The following BMF variants were observed in gnomAD, a reference collection of about 807,000 sequenced individuals.
BMF encodes Bcl2 modifying factor.
Under a neutral mutation model 22.0 loss-of-function variants are expected in BMF, and 10 were observed. That is an observed-to-expected ratio of 0.45 (90% CI 0.28 to 0.77). The LOEUF is 0.77. Ranked by LOEUF, BMF falls within the 30% of genes least tolerant of loss-of-function variation. The pLI is 0.13. For missense variants in BMF, 206 were observed against 226.8 expected (o/e 0.91, Z 0.59); for synonymous variants, 87 against 88.1 (o/e 0.99, Z 0.07).
chr15:40,094,238 T>A (rs1382899205), intron 4 of BMF, among the ~76,000 whole-genome samples: 1 of 152,168 alleles, frequency 6.6e-6, no homozygotes, highest in Non-Finnish European at 1.5e-5. Context: ...CAACTTGAGA[T>A]CTCTGAAGAT....
In BMF at chr15:40,106,173, C is replaced by G; in HGVS notation, c.-5-82G>C. The stretch of plus-strand genomic sequence containing the variant: ...AGGACTCCCCTTCCCTTCTTCCTAC[C>G]ATACTCCCCCTTCTTATTTGAGCTG... On this transcript the variant is annotated intron_variant, in intron 2 of 4. Coordinates refer to ENST00000354670, the MANE Select transcript of BMF (RefSeq NM_001003940.2). This position sits in a 1 kb window ranked among gnomAD's most constrained non-coding sequence, Gnocchi z 4.1. 1 of 1,440,618 alleles carries G rather than the reference C, an allele frequency of 6.9e-7. No individual in the cohort carries two copies. Among genetic ancestry groups the G allele is most frequent in the Non-Finnish European group, 9.2e-7 (1 of 1,084,184 alleles). 89.2% of individuals were successfully genotyped at this position (1,440,618 alleles called of 1,614,324 possible).
chr15:40,093,258 C>T (rs1028502029), intron 4 of BMF, among the ~76,000 whole-genome samples: 1 of 151,220 alleles, frequency 6.6e-6, no homozygotes, highest in African/African-American at 2.4e-5. Context: ...GGCCTGACAA[C>T]CCAGGTGAAC....
At chr15:40,094,637 T>C (rs1011440995) in intron 4 of BMF, among the ~76,000 whole-genome samples, 1 of 152,178 alleles carries the variant, frequency 6.6e-6, no homozygotes, top group Admixed American at 6.5e-5. Context: ...GGTGCTCTTG[T>C]AAGTATAGAG....
At position 40,105,755 on chromosome 15, in the gene BMF, C is replaced by A. The variant is rs373691382; in HGVS notation, c.292+40G>T. 1.6e-5 allele frequency: 25 copies of A among 1,535,524 alleles called. No individual in the cohort carries two copies. The African/African-American group carries it at 3.3e-4, about 20-fold the overall frequency. ...GGAGGGAAAGTCCCCTCTTTTCCCC[C>A]AGTCTCTATGGGAGGAGTCTTGAGG... is the stretch of plus-strand genomic sequence containing the variant. On this transcript the variant is annotated intron_variant, in intron 3 of 4. Coordinates refer to ENST00000354670, the MANE Select transcript of BMF (RefSeq NM_001003940.2).
chr15:40,092,069 A>G (rs2036245433), intron 4 of BMF, among the ~76,000 whole-genome samples, 181 bp from the exon 5 acceptor site: 1 of 152,170 alleles, frequency 6.6e-6, no homozygotes, highest in Non-Finnish European at 1.5e-5. Flanking sequence ...TGGAGGAGAG[A>G]GTTGAGTTCT....
At chr15:40,093,514 G>A (rs773981441) in intron 4 of BMF, among the ~76,000 whole-genome samples, 3 of 152,244 alleles carry the variant, frequency 2.0e-5, no homozygotes, top group East Asian at 1.9e-4. Context: ...GTAAAACAGC[G>A]TGAAAATGGA....
chr15:40,091,916 A>C, intron 4 of BMF, 28 bp from the exon 5 acceptor site: 1 of 1,504,284 alleles, frequency 6.6e-7, no homozygotes, highest in Non-Finnish European at 9.1e-7. Flanking sequence ...AAAAAGACCA[A>C]CATAACTCCC....
At chr15:40,104,042 G>T in intron 4 of BMF, 138 bp downstream of exon 4, 1 of 1,159,666 alleles carries the variant, frequency 8.6e-7, no homozygotes. Context: ...CTGCCCATGG[G>T]AACCGCCATA....
chr15:40,108,863 G>C lies in BMF; in HGVS notation c.-224C>G, dbSNP rs1205708447. ...GGGAGGAGGCCACTCCGCACGGTGCGGTATTGTTTCCAAAATACGCCTGCT... is the reference window on the plus strand; with the variant it reads ...GGGAGGAGGCCACTCCGCACGGTGCCGTATTGTTTCCAAAATACGCCTGCT... On this transcript the variant is annotated 5_prime_UTR_variant, in exon 1 of 5. Coordinates refer to ENST00000354670, the MANE Select transcript of BMF (RefSeq NM_001003940.2). 1.3e-5 allele frequency: 2 copies of C among 153,180 alleles called. No individual in the cohort carries two copies. Among genetic ancestry groups the C allele is most frequent in the African/African-American group, 2.4e-5 (1 of 41,424 alleles). The allele number at this position is 153,180 out of a possible 1,614,324, so 9.5% of individuals were successfully genotyped here.
rs553406768 is a variant in BMF at position 40,093,500 on chromosome 15, T to C, written c.454-1612A>G. On this transcript the variant is annotated intron_variant, in intron 4 of 4. Coordinates refer to ENST00000354670, the MANE Select transcript of BMF (RefSeq NM_001003940.2). ...CACACCCGGCTTAACAAAATCTGGT[T>C]AGAGTAAAACAGCGTGAAAATGGAC... 1.6e-3 allele frequency among the ~76,000 whole-genome samples: 247 copies of C among 152,276 alleles called. 2 individuals are homozygous for C. The highest frequency in any genetic ancestry group is 4.8e-3 in the African/African-American group (198 of 41,560).
intron 4 of BMF, among the ~76,000 whole-genome samples, chr15:40,103,046 A>G (rs1336263006): frequency 2.0e-5 from 3 of 152,210 alleles, no homozygotes; most frequent in Admixed American, 6.5e-5. Context: ...TCCTGTTCTT[A>G]GGAAAGCCAA....
rs2036164851 is a variant in BMF at position 40,087,950 on chromosome 15, A to C, written c.*3837T>G. ...TTGATGGGGGGAAAGATATACACAC[A>C]TACACACATATGCATGTGAAGAACA... On this transcript the variant is annotated 3_prime_UTR_variant, in exon 5 of 5. Transcript: ENST00000354670. 6.6e-6 allele frequency: 1 copy of C among 152,280 alleles called. No homozygotes were observed. The highest frequency in any genetic ancestry group is 2.4e-5 in the African/African-American group (1 of 41,420). 9.4% of individuals were successfully genotyped at this position (152,280 alleles called of 1,614,324 possible).
chr15:40,095,882 G>C lies in BMF; in HGVS notation c.454-3994C>G, dbSNP rs531414156. Among the ~76,000 whole-genome samples, 14 of 152,318 alleles carry C rather than the reference G, an allele frequency of 9.2e-5. No homozygotes were observed. The South Asian group carries it at 2.9e-3, about 32-fold the overall frequency. The stretch of plus-strand genomic sequence containing the variant: ...TTCTTGCCACGGACAGGGGATGAAG[G>C]CAGTCAGCTGACAAATGTTTCAATC... On this transcript the variant is annotated intron_variant, in intron 4 of 4. Transcript: ENST00000354670.
At chr15:40,097,084 C>T (rs563990859) in intron 4 of BMF, among the ~76,000 whole-genome samples, 8 of 152,314 alleles carry the variant, frequency 5.3e-5, no homozygotes, top group African/African-American at 1.9e-4. Flanking sequence ...ACATTGAGAG[C>T]AGGAAAATTC....
chr15:40,099,704 G>A (rs997896134), intron 4 of BMF, among the ~76,000 whole-genome samples: 2 of 150,878 alleles, frequency 1.3e-5, no homozygotes, highest in Admixed American at 6.6e-5. Context: ...ACTTGAACCC[G>A]GAGGCAGAGG....
At chr15:40,102,517 C>A (rs1376420774) in intron 4 of BMF, among the ~76,000 whole-genome samples, 1 of 152,054 alleles carries the variant, frequency 6.6e-6, no homozygotes, top group Non-Finnish European at 1.5e-5. Flanking sequence ...AGGACTGTAT[C>A]CTAGTCCTGT....
rs1402552731 is a variant in BMF at position 40,093,666 on chromosome 15, G to C, written c.454-1778C>G. Among the ~76,000 whole-genome samples, 3 of 152,176 alleles carry C rather than the reference G, an allele frequency of 2.0e-5. No homozygotes were observed. The East Asian group carries it at 5.8e-4, about 29-fold the overall frequency. Reference sequence around the variant, plus strand: ...GAATCCAGGAGCAGACTCATCCCTGGAGAGGCCAGTCTGCTGGAATTCCAG... The same window carrying C: ...GAATCCAGGAGCAGACTCATCCCTGCAGAGGCCAGTCTGCTGGAATTCCAG... On this transcript the variant is annotated intron_variant, in intron 4 of 4. Transcript: ENST00000354670.
At position 40,088,462 on chromosome 15, in the gene BMF, CAA is replaced by C. The variant is rs1489235471; in HGVS notation, c.*3323_*3324del. Reference sequence around the variant, plus strand: ...AGAAGGCCTGCAGAGCCATGGTGACCAAAGTCTTCCCGCTTCTGCCACGTCCC... The same window carrying C: ...AGAAGGCCTGCAGAGCCATGGTGACCAGTCTTCCCGCTTCTGCCACGTCCC... On this transcript the variant is annotated 3_prime_UTR_variant, in exon 5 of 5. Transcript: ENST00000354670. 2 of 152,368 alleles carry C rather than the reference CAA, an allele frequency of 1.3e-5. No homozygotes were observed. The highest frequency in any genetic ancestry group is 2.9e-5 in the Non-Finnish European group (2 of 68,144). The allele number at this position is 152,368 out of a possible 1,614,324, so 9.4% of individuals were successfully genotyped here.
chr15:40,092,789 G>C (rs746476811), intron 4 of BMF, among the ~76,000 whole-genome samples: 1 of 152,072 alleles, frequency 6.6e-6, no homozygotes, highest in Non-Finnish European at 1.5e-5. Context: ...GAGGCCTGGG[G>C]GGGTGGAAAC....
Sources: gnomAD v4.1 joint callset for allele counts (sites outside exome capture counted in the v4.1 genomes callset) on GRCh38, gnomAD v4.1.1 for gene constraint, Gnocchi (gnomAD v3.1) non-coding constraint, MANE v1.5 for transcripts, NCBI Gene and HGNC (gene_info 2026-07-23, HGNC 2026-07-21) for gene names.